CHST1: variants seen among roughly 807,000 people sequenced by gnomAD.
The protein encoded by CHST1 is Keratan sulfotransferase.
In CHST1, 10 loss-of-function variants were observed where a neutral mutation model predicts 22.5. That is an observed-to-expected ratio of 0.44 (90% confidence interval 0.27 to 0.75). CHST1 has a LOEUF of 0.75. CHST1 is among the 30% of genes least tolerant of loss of function. The probability of loss-of-function intolerance (pLI) is 0.15; values close to 1 mark genes in which losing one functional copy is unlikely to be tolerated. For synonymous variants in CHST1, 267 were observed against 264.5 expected, an observed-to-expected ratio of 1.01 and a Z score of -0.09; for missense variants, 439 against 576.1, an observed-to-expected ratio of 0.76 and a Z score of 2.44.
At chr11:45,654,027 T>C (rs935461136) in intron 1 of CHST1, among the ~76,000 whole-genome samples, 1 of 152,206 alleles carries the variant, frequency 6.6e-6, no homozygotes, top group Non-Finnish European at 1.5e-5. Flanking sequence ...TTTTCCCTAA[T>C]TCCACTCATA....
intron 1 of CHST1, among the ~76,000 whole-genome samples, chr11:45,654,016 C>A (rs1351219533): frequency 6.6e-6 from 1 of 152,182 alleles, no homozygotes; most frequent in Non-Finnish European, 1.5e-5. Context: ...CGTTCAAATC[C>A]TTTTCCCTAA....
chr11:45,649,896 C>G lies in CHST1; in HGVS notation c.1028G>C (p.Gly343Ala), dbSNP rs369066581. 6.2e-7 allele frequency: 1 copy of G among 1,611,742 alleles called. No homozygotes were observed. Among genetic ancestry groups the G allele is most frequent in the South Asian group, 1.1e-5 (1 of 91,070 alleles). The change falls in exon 4 of 4, where the codon GGC (glycine) becomes GCC (alanine). Residue 343 changes from glycine to alanine, a missense_variant. By Grantham distance (60) the Gly-to-Ala change is moderately conservative (BLOSUM62 0). Coordinates refer to ENST00000308064, the MANE Select transcript of CHST1 (RefSeq NM_003654.6). ...TCGCACGGTGCCGTATTTGTGCTTG[C>G]CCAGGGTGGGGTCGCCCCGCGTGTT... ...QNNTRGDPTL[G>A]KHKYGTVRNS... is the part of the protein sequence containing the mutation.
At chr11:45,664,485 C>A (rs912032420) in intron 1 of CHST1, among the ~76,000 whole-genome samples, 2 of 152,262 alleles carry the variant, frequency 1.3e-5, no homozygotes, top group Admixed American at 6.5e-5. Flanking sequence ...TTACCTTCCT[C>A]AGGCAGCCTG....
chr11:45,660,649 C>T (rs1852119787), intron 1 of CHST1, among the ~76,000 whole-genome samples: 2 of 152,212 alleles, frequency 1.3e-5, no homozygotes, highest in Non-Finnish European at 2.9e-5. Context: ...TCAGTGGTAC[C>T]TTCAGAATGT....
chr11:45,662,672 T>C (rs901548083), intron 1 of CHST1, among the ~76,000 whole-genome samples: 3 of 152,204 alleles, frequency 2.0e-5, no homozygotes, highest in African/African-American at 7.2e-5. Context: ...CATATATTAC[T>C]GCATTTGACC....
chr11:45,651,181 C>G (rs1564997031), intron 3 of CHST1: 1 of 385,428 alleles, frequency 2.6e-6, no homozygotes, highest in Non-Finnish European at 4.6e-6. Context: ...TCCTTGCACC[C>G]CAGGATTTAA....
intron 1 of CHST1, among the ~76,000 whole-genome samples, chr11:45,655,758 G>A (rs931679259): frequency 3.9e-5 from 6 of 152,206 alleles, no homozygotes; most frequent in African/African-American, 4.8e-5. Flanking sequence ...CATGGCCTCC[G>A]GATGGGTGAC....
At chr11:45,656,154 C>T (rs772844434) in intron 1 of CHST1, among the ~76,000 whole-genome samples, 5 of 152,232 alleles carry the variant, frequency 3.3e-5, no homozygotes, top group Admixed American at 6.5e-5. Context: ...GGCCACAGAC[C>T]TTTCGAACCA....
At chr11:45,658,706 T>C (rs1304115288) in intron 1 of CHST1, among the ~76,000 whole-genome samples, 1 of 151,946 alleles carries the variant, frequency 6.6e-6, no homozygotes, top group Non-Finnish European at 1.5e-5. Flanking sequence ...CCCGGTTCCC[T>C]GTCTCAGGCC....
At position 45,648,212 on chromosome 11, in the gene CHST1, C is replaced by G. The variant is rs1166361573; in HGVS notation, c.*1476G>C. ...GCACCCCACCCCTTGAAGTTTCCCC[C>G]TCCCTGGCTATCCTAGACCCAGACC... is the stretch of plus-strand genomic sequence containing the variant. On this transcript the variant is annotated 3_prime_UTR_variant, in exon 4 of 4. Coordinates refer to ENST00000308064, the MANE Select transcript of CHST1 (RefSeq NM_003654.6). Among the ~76,000 whole-genome samples the G allele has an allele frequency of 1.3e-5, 2 of 152,160 alleles. No individual in the cohort carries two copies. Among genetic ancestry groups the G allele is most frequent in the Non-Finnish European group, 2.9e-5 (2 of 68,028 alleles).
Position 45,650,952 on chromosome 11 carries a change from C to A in CHST1, c.-29G>T. The A allele has an allele frequency of 2.6e-6, 4 of 1,518,304 alleles. 1 individual carries two copies. 94.1% of individuals were successfully genotyped at this position (1,518,304 alleles called of 1,614,324 possible). On this transcript the variant is annotated 5_prime_UTR_variant, in exon 4 of 4. Coordinates refer to ENST00000308064, the MANE Select transcript of CHST1 (RefSeq NM_003654.6). ...TGGGCACCTTCATGGGGCTGCTTCT[C>A]CAAGGGGTGAGGTCTGTGGGCAAAG... is the stretch of plus-strand genomic sequence containing the variant.
In CHST1 at chr11:45,650,370, C is replaced by A; in HGVS notation, c.554G>T (p.Cys185Phe). 6.2e-7 allele frequency: 1 copy of A among 1,603,594 alleles called. No homozygotes were observed. The highest frequency in any genetic ancestry group is 8.5e-7 in the Non-Finnish European group (1 of 1,179,746). Residue 185 changes from cysteine (C) to phenylalanine (F), a missense_variant, in exon 4 of 4, where the codon TGC (cysteine) becomes TTC (phenylalanine). Cys to Phe is a radical substitution (Grantham distance 205, BLOSUM62 -2). Transcript: ENST00000308064. ...VLEEGDCVRKCGLLNLTVAAE... is the reference protein window; with the variant it reads ...VLEEGDCVRKFGLLNLTVAAE... ...CGCCACGGTCAGGTTGAGTAGCCCG[C>A]ACTTGCGCACACAGTCCCCCTCCTC...
intron 1 of CHST1, among the ~76,000 whole-genome samples, chr11:45,657,962 G>A (rs950914500): frequency 6.6e-6 from 1 of 152,214 alleles, no homozygotes; most frequent in African/African-American, 2.4e-5. Context: ...AGAGCAATTG[G>A]TCTACCGATT....
intron 1 of CHST1, among the ~76,000 whole-genome samples, chr11:45,664,711 G>A (rs964932795): frequency 7.2e-5 from 11 of 152,232 alleles, no homozygotes; most frequent in African/African-American, 2.7e-4. Flanking sequence ...TGCGGAGGCC[G>A]GGCCAGGGCT....
Position 45,649,049 on chromosome 11 carries a change from G to C in CHST1, c.*639C>G, listed in dbSNP as rs1469228330. On this transcript the variant is annotated 3_prime_UTR_variant, in exon 4 of 4. Coordinates refer to ENST00000308064, the MANE Select transcript of CHST1 (RefSeq NM_003654.6). Reference sequence around the variant, plus strand: ...ATTCATCAGTCATCACTGGTCCAGGGGCGGCCACGAGACTCAGACAGACAG... The same window carrying C: ...ATTCATCAGTCATCACTGGTCCAGGCGCGGCCACGAGACTCAGACAGACAG... The C allele has an allele frequency of 6.6e-6, 1 of 151,836 alleles. No homozygotes were observed. The highest frequency in any genetic ancestry group is 1.5e-5 in the Non-Finnish European group (1 of 67,964). 9.4% of individuals were successfully genotyped at this position (151,836 alleles called of 1,614,324 possible).
chr11:45,662,112 G>A (rs1852140728), intron 1 of CHST1, among the ~76,000 whole-genome samples: 1 of 152,182 alleles, frequency 6.6e-6, no homozygotes, highest in Non-Finnish European at 1.5e-5. Flanking sequence ...TCCCTCTCTG[G>A]CTGATCAAGA....
intron 1 of CHST1, among the ~76,000 whole-genome samples, chr11:45,654,763 G>A (rs547995326): frequency 6.6e-6 from 1 of 152,334 alleles, no homozygotes; most frequent in South Asian, 2.1e-4. Flanking sequence ...TAGAAAGCAG[G>A]CAAGTTGGTG....
intron 1 of CHST1, among the ~76,000 whole-genome samples, chr11:45,662,041 A>C (rs113419486): frequency 9.3e-4 from 142 of 152,302 alleles, no homozygotes; most frequent in African/African-American, 3.2e-3. Flanking sequence ...TGAGCACTAG[A>C]GGTTCTAACT....
At chr11:45,661,968 T>A (rs1852138348) in intron 1 of CHST1, among the ~76,000 whole-genome samples, 1 of 152,124 alleles carries the variant, frequency 6.6e-6, no homozygotes, top group Non-Finnish European at 1.5e-5. Flanking sequence ...CAATAACAGA[T>A]CAGCAGCTGC....
Sources: allele counts gnomAD v4.1 joint callset (sites outside exome capture counted in the v4.1 genomes callset), GRCh38; gene constraint gnomAD v4.1.1; transcripts MANE v1.5; gene names NCBI Gene and HGNC (gene_info 2026-07-23, HGNC 2026-07-21).